USP13: variants seen among roughly 807,000 people sequenced by gnomAD.
The protein encoded by USP13 is ubiquitin specific peptidase 13, also known as ubiquitin carboxyl-terminal hydrolase 13.
Under a neutral mutation model 107.8 loss-of-function variants are expected in USP13, and 68 were observed. The observed-to-expected ratio is 0.63, with a 90% CI of 0.52 to 0.77. The LOEUF is 0.77. USP13 is among the 30% of genes least tolerant of loss of function. The probability of loss-of-function intolerance (pLI) is 0.00; values close to 1 mark genes in which losing one functional copy is unlikely to be tolerated. For missense variants in USP13, 945 were observed against 1,093.3 expected (o/e 0.86, Z 1.91); for synonymous variants, 377 against 389.5 (o/e 0.97, Z 0.38).
rs755654562 is a variant in USP13, at chr3:179,785,461, T to C, written c.*1320T>C. On this transcript the variant is annotated 3_prime_UTR_variant, in exon 21 of 21. Coordinates refer to ENST00000263966, the MANE Select transcript of USP13 (RefSeq NM_003940.3). ...GTTTCCAACGTGATGAAAAGTGGAATGATAGCATTCTATAATTTCCATAAT... is the reference window on the plus strand; with the variant it reads ...GTTTCCAACGTGATGAAAAGTGGAACGATAGCATTCTATAATTTCCATAAT... 2.6e-5 allele frequency: 4 copies of C among 152,246 alleles called. No individual in the cohort carries two copies. Among genetic ancestry groups the C allele is most frequent in the African/African-American group, 4.8e-5 (2 of 41,464 alleles). The allele number at this position is 152,246 out of a possible 1,614,324, so 9.4% of individuals were successfully genotyped here. A position where few individuals can be genotyped will look rare whatever the true frequency, so the allele number is the denominator to read the frequency against.
At chr3:179,717,587 A>G (rs538705031) in intron 6 of USP13, among the ~76,000 whole-genome samples, 2 of 152,326 alleles carry the variant, frequency 1.3e-5, no homozygotes, top group Admixed American at 6.5e-5. Flanking sequence ...AGCCCTGATC[A>G]TTAGAGGCTT....
At chr3:179,696,923 C>T (rs1479099090) in intron 3 of USP13, among the ~76,000 whole-genome samples, 1 of 152,042 alleles carries the variant, frequency 6.6e-6, no homozygotes, top group Non-Finnish European at 1.5e-5. Flanking sequence ...TACAGATATG[C>T]ATAGATATAT....
At chr3:179,660,045 AAAAC>A (rs1469865216) in intron 1 of USP13, among the ~76,000 whole-genome samples, 27 of 152,238 alleles carry the variant, frequency 1.8e-4, no homozygotes, top group African/African-American at 6.0e-4. Flanking sequence ...TCTGTCTCAA[AAAAC>A]AAACAAACAA....
At chr3:179,783,320 A>G (rs1196333981) in intron 20 of USP13, among the ~76,000 whole-genome samples, 1 of 152,146 alleles carries the variant, frequency 6.6e-6, no homozygotes, top group African/African-American at 2.4e-5. Context: ...AAGTATATAT[A>G]TGTCTATATG....
chr3:179,722,557 T>C (rs1200463892), intron 8 of USP13, among the ~76,000 whole-genome samples: 1 of 152,230 alleles, frequency 6.6e-6, no homozygotes, highest in African/African-American at 2.4e-5. Flanking sequence ...GATATTCTGA[T>C]ACAGGTACGC....
At chr3:179,751,330 A>T (rs1004350521) in intron 13 of USP13, among the ~76,000 whole-genome samples, 6 of 152,186 alleles carry the variant, frequency 3.9e-5, no homozygotes, top group Non-Finnish European at 8.8e-5. Context: ...CAAGGCCCAG[A>T]TTCAGATTTT....
chr3:179,658,350 C>G (rs1320228523), intron 1 of USP13, among the ~76,000 whole-genome samples: 1 of 152,226 alleles, frequency 6.6e-6, no homozygotes, highest in Non-Finnish European at 1.5e-5. Flanking sequence ...ATCCTTTCCT[C>G]TGAATGCCTG....
rs367898662 is a variant in USP13, at chr3:179,706,958, C to T, written c.502C>T (p.Leu168Phe). ...GGTAACAATTGCTTGTGATGCAGTT[C>T]TCAGCTCAAAATCTCCATACAGAAA... ...ALVTIACDAV[L>F]SSKSPYRKQD... is the part of the protein sequence containing the mutation. The change falls in exon 5 of 21, where the codon CTC becomes TTC. Residue 168 changes from leucine to phenylalanine, a missense_variant. By Grantham distance (22) the Leu-to-Phe change is conservative. Transcript: ENST00000263966. The T allele has an allele frequency of 2.5e-6, 4 of 1,613,854 alleles. No individual in the cohort carries two copies. The highest frequency in any genetic ancestry group is 2.5e-6 in the Non-Finnish European group (3 of 1,180,008).
At chr3:179,698,994 G>C (rs1712412810) in intron 3 of USP13, among the ~76,000 whole-genome samples, 2 of 151,290 alleles carry the variant, frequency 1.3e-5, no homozygotes, top group African/African-American at 4.9e-5. Flanking sequence ...TCATCCTCCT[G>C]AGTAGCTGGG....
intron 10 of USP13, among the ~76,000 whole-genome samples, chr3:179,734,852 T>C (rs999128157): frequency 7.9e-5 from 12 of 152,266 alleles, no homozygotes; most frequent in African/African-American, 2.7e-4. Flanking sequence ...TAAAAGTATC[T>C]GTGCAAGTAT....
intron 17 of USP13, among the ~76,000 whole-genome samples, chr3:179,762,243 T>C (rs766533140): frequency 2.0e-5 from 3 of 152,250 alleles, no homozygotes; most frequent in Non-Finnish European, 4.4e-5. Flanking sequence ...GATTCATCTA[T>C]GTTGTAGCAT....
chr3:179,666,778 C>G (rs900074251), intron 1 of USP13, among the ~76,000 whole-genome samples: 3 of 152,186 alleles, frequency 2.0e-5, no homozygotes, highest in South Asian at 2.1e-4. Flanking sequence ...CCCCAAGCCC[C>G]CACGAGAGCA....
chr3:179,713,398 C>T (rs1018787610), intron 6 of USP13, among the ~76,000 whole-genome samples: 2 of 152,116 alleles, frequency 1.3e-5, no homozygotes, highest in African/African-American at 2.4e-5. Context: ...TTTAATAGAT[C>T]GCAAGCTGTA....
rs1713303781 is a variant in USP13, at chr3:179,721,209, GCATTATGTACATT to G, written c.901-190_901-178del. Among the ~76,000 whole-genome samples the G allele has an allele frequency of 6.6e-6, 1 of 152,048 alleles. No homozygotes were observed. The highest frequency in any genetic ancestry group is 2.4e-5 in the African/African-American group (1 of 41,372). Reference sequence around the variant, plus strand: ...CTGTTTTTAAGCGTGCAGTTCTCTGGCATTATGTACATTCACTTTGTTGTGCCACCATCACCGT... The same window carrying G: ...CTGTTTTTAAGCGTGCAGTTCTCTGGCACTTTGTTGTGCCACCATCACCGT... On this transcript the variant is annotated intron_variant, in intron 7 of 20. Transcript: ENST00000263966. This position sits in a 1 kb window ranked among gnomAD's most constrained non-coding sequence, Gnocchi z 4.3.
intron 19 of USP13, among the ~76,000 whole-genome samples, chr3:179,771,749 A>C (rs902709526): frequency 2.6e-5 from 4 of 152,248 alleles, no homozygotes; most frequent in African/African-American, 9.6e-5. Flanking sequence ...TTACAAGGGT[A>C]GGGATTAAAG....
chr3:179,718,437 G>A (rs2108491677), intron 6 of USP13, among the ~76,000 whole-genome samples: 1 of 152,194 alleles, frequency 6.6e-6, no homozygotes, highest in Middle Eastern at 3.4e-3. Context: ...GATTACAGAT[G>A]TGAGCCATGT....
At chr3:179,708,612 G>A (rs1712808598) in intron 5 of USP13, among the ~76,000 whole-genome samples, 161 bp from the exon 6 acceptor site, 1 of 152,128 alleles carries the variant, frequency 6.6e-6, no homozygotes, top group South Asian at 2.1e-4. Flanking sequence ...CACCACGCCC[G>A]GCCAACAATG....
chr3:179,734,806 G>A (rs1478181607), intron 10 of USP13, among the ~76,000 whole-genome samples: 2 of 152,198 alleles, frequency 1.3e-5, no homozygotes, highest in Non-Finnish European at 2.9e-5. Context: ...TTAGGGACAG[G>A]CAGACATGTG....
At chr3:179,684,270 TACACACACACACACAC>T (rs58817778) in intron 2 of USP13, among the ~76,000 whole-genome samples, 49 of 116,026 alleles carry the variant, frequency 4.2e-4, no homozygotes, top group African/African-American at 1.5e-3. Context: ...TATCACCCTT[TACACACACACACACAC>T]ACACACACAC....
Sources: allele counts gnomAD v4.1 joint callset (sites outside exome capture counted in the v4.1 genomes callset), GRCh38; gene constraint gnomAD v4.1.1; non-coding constraint Gnocchi (gnomAD v3.1); transcripts MANE v1.5; gene names NCBI Gene and HGNC (gene_info 2026-07-23, HGNC 2026-07-21).